Variants in DTWD2 observed in about 807,000 individuals in gnomAD.
DTWD2 encodes DTW motif tRNA-uridine aminocarboxypropyltransferase 2, also known as tRNA-uridine aminocarboxypropyltransferase 2.
DTWD2 carries 39 observed loss-of-function variants against 31.8 expected under a neutral mutation model. The ratio of observed to expected loss-of-function variants is 1.22; its 90% CI spans 0.95 to 1.60. The LOEUF (loss-of-function observed/expected upper bound fraction) is 1.60. DTWD2 is among the 40% of genes most tolerant of loss of function. The pLI is 0.00. For missense variants in DTWD2, 515 were observed against 381.5 expected (o/e 1.35, Z -2.92); for synonymous variants, 180 against 142.8 (o/e 1.26, Z -1.86).
chr5:118,888,248 CCTT>C (rs974906815), intron 4 of DTWD2, among the ~76,000 whole-genome samples: 3 of 152,296 alleles, frequency 2.0e-5, no homozygotes, highest in Admixed American at 6.5e-5. Flanking sequence ...TTGCGTCTCT[CCTT>C]CTCTTTCCTT....
Position 118,954,409 on chromosome 5 carries a change from T to A in DTWD2, c.219-9760A>T, listed in dbSNP as rs565205401. On this transcript the variant is annotated intron_variant, in intron 1 of 5. Coordinates refer to ENST00000510708, the MANE Select transcript of DTWD2 (RefSeq NM_173666.4). ...TTAGCTGAATGTGGGTTTCCTTCTC[T>A]AAAATGTAAGCTACAGGGAGGCAAG... 8.6e-4 allele frequency among the ~76,000 whole-genome samples: 131 copies of A among 152,352 alleles called. 2 individuals are homozygous for A. In the South Asian group the frequency reaches 0.026, roughly 30 times the overall value.
chr5:118,957,544 T>C (rs1754613708), intron 1 of DTWD2, among the ~76,000 whole-genome samples: 1 of 152,102 alleles, frequency 6.6e-6, no homozygotes, highest in Non-Finnish European at 1.5e-5. Flanking sequence ...TTAATTACAG[T>C]GTGAAGTTGT....
At chr5:118,875,064 T>C (rs1752591338) in intron 4 of DTWD2, among the ~76,000 whole-genome samples, 1 of 152,144 alleles carries the variant, frequency 6.6e-6, no homozygotes, top group Non-Finnish European at 1.5e-5. Context: ...ATTCAATATT[T>C]CTTAAAGAAA....
In DTWD2 at chr5:118,988,483, A is replaced by C. The variant is rs777008007; in HGVS notation, c.29T>G (p.Leu10Arg). MESQKEART[L>R]QEPVARPSGA... ...AGAAGGCCGCGCAACGGGCTCCTGG[A>C]GTGTTCGTGCCTCTTTCTGCGACTC... The change falls in exon 1 of 6, where the codon CTC (leucine) becomes CGC (arginine). Residue 10 changes from leucine to arginine, a missense_variant. By Grantham distance (102) the Leu-to-Arg change is moderately radical. Coordinates refer to ENST00000510708, the MANE Select transcript of DTWD2 (RefSeq NM_173666.4). The C allele has an allele frequency of 1.2e-6, 2 of 1,600,822 alleles. No homozygotes were observed. Among genetic ancestry groups the C allele is most frequent in the Non-Finnish European group, 8.5e-7 (1 of 1,175,166 alleles).
At chr5:118,921,854 A>C (rs777381334) in intron 4 of DTWD2, among the ~76,000 whole-genome samples, 1 of 152,300 alleles carries the variant, frequency 6.6e-6, no homozygotes, top group South Asian at 2.1e-4. Context: ...AAGAATAACG[A>C]CGTGTTTGGC....
chr5:118,851,367 C>A (rs368123468), intron 4 of DTWD2, among the ~76,000 whole-genome samples: 1 of 151,726 alleles, frequency 6.6e-6, no homozygotes, highest in Admixed American at 6.6e-5. Flanking sequence ...ACATCTGGGC[C>A]GCCGGGGGCA....
intron 4 of DTWD2, among the ~76,000 whole-genome samples, chr5:118,905,400 C>T (rs149388634): frequency 5.1e-4 from 78 of 152,202 alleles, no homozygotes; most frequent in Non-Finnish European, 8.4e-4. Context: ...GAGCGTATAA[C>T]ATTCTGAGTA....
At chr5:118,888,008 C>A (rs921875598) in intron 4 of DTWD2, among the ~76,000 whole-genome samples, 2 of 152,160 alleles carry the variant, frequency 1.3e-5, no homozygotes, top group Non-Finnish European at 2.9e-5. Context: ...CACACCCCAG[C>A]AAGAATTCTG....
At chr5:118,950,633 C>G (rs1374308054) in intron 1 of DTWD2, among the ~76,000 whole-genome samples, 1 of 152,224 alleles carries the variant, frequency 6.6e-6, no homozygotes, top group Non-Finnish European at 1.5e-5. Context: ...GGGCTGCAGG[C>G]ATTCCTTGGC....
At chr5:118,967,241 T>C (rs150893213) in intron 1 of DTWD2, among the ~76,000 whole-genome samples, 7 of 152,302 alleles carry the variant, frequency 4.6e-5, no homozygotes, top group African/African-American at 1.7e-4. Flanking sequence ...CTCTGTGGTA[T>C]TGGATGAAAC....
chr5:118,988,171 CCCG>C, intron 1 of DTWD2, 120 bp downstream of exon 1: 1 of 1,244,290 alleles, frequency 8.0e-7, no homozygotes, highest in African/African-American at 1.5e-5. Flanking sequence ...CCAACGTGCA[CCCG>C]CCAACTCCGC....
At chr5:118,846,182 TA>T (rs1751848462) in intron 5 of DTWD2, among the ~76,000 whole-genome samples, 1 of 152,200 alleles carries the variant, frequency 6.6e-6, no homozygotes, top group African/African-American at 2.4e-5. Flanking sequence ...TATTGATTTT[TA>T]AATTTATCTT....
chr5:118,877,297 C>T lies in DTWD2; in HGVS notation c.598-29079G>A, dbSNP rs192936794. ...ACCATCCTGGCTAACATGGTGAAAC[C>T]CCATCTCTACTAAAAGTACAAAAAA... On this transcript the variant is annotated intron_variant, in intron 4 of 5. Coordinates refer to ENST00000510708, the MANE Select transcript of DTWD2 (RefSeq NM_173666.4). Among the ~76,000 whole-genome samples the T allele has an allele frequency of 9.2e-5, 14 of 151,934 alleles. No homozygotes were observed. In the East Asian group the frequency reaches 2.7e-3, roughly 29 times the overall value.
intron 4 of DTWD2, among the ~76,000 whole-genome samples, chr5:118,876,614 C>T (rs1752627725): frequency 6.6e-6 from 1 of 152,132 alleles, no homozygotes; most frequent in Admixed American, 6.5e-5. Context: ...CCTCTATGCA[C>T]ATAAACTAGA....
intron 4 of DTWD2, among the ~76,000 whole-genome samples, chr5:118,909,160 A>G (rs1348314447): frequency 1.3e-5 from 2 of 152,212 alleles, no homozygotes; most frequent in Admixed American, 6.5e-5. Context: ...CGCATAGCTG[A>G]GTCACCTGGA....
At chr5:118,946,113 G>T (rs1243219638) in intron 1 of DTWD2, among the ~76,000 whole-genome samples, 1 of 152,152 alleles carries the variant, frequency 6.6e-6, no homozygotes, top group East Asian at 1.9e-4. Flanking sequence ...TCTGGATGAA[G>T]AAATTATCTA....
intron 1 of DTWD2, among the ~76,000 whole-genome samples, chr5:118,959,209 G>T (rs1241258577): frequency 6.6e-6 from 1 of 151,992 alleles, no homozygotes; most frequent in Non-Finnish European, 1.5e-5. Context: ...CCCATAGTCT[G>T]CCCAAAAGCT....
intron 3 of DTWD2, among the ~76,000 whole-genome samples, chr5:118,934,333 T>C (rs534194110): frequency 6.9e-6 from 1 of 145,208 alleles, no homozygotes; most frequent in Admixed American, 6.9e-5. Flanking sequence ...GCTTTAGATT[T>C]ACAGAATTAT....
chr5:118,896,588 T>A (rs1160795705), intron 4 of DTWD2, among the ~76,000 whole-genome samples: 1 of 152,110 alleles, frequency 6.6e-6, no homozygotes, highest in Admixed American at 6.5e-5. Flanking sequence ...GAAAAATAAA[T>A]TCCTTAACAC....
Sources: gnomAD v4.1 joint callset for allele counts (sites outside exome capture counted in the v4.1 genomes callset) on GRCh38, gnomAD v4.1.1 for gene constraint, MANE v1.5 for transcripts, NCBI Gene and HGNC (gene_info 2026-07-23, HGNC 2026-07-21) for gene names.